ANKFN1: variants seen among roughly 807,000 people sequenced by gnomAD.
ANKFN1 encodes ankyrin repeat and fibronectin type-III domain-containing protein 1.
Under a neutral mutation model 108.7 loss-of-function variants are expected in ANKFN1, and 74 were observed. That is an observed-to-expected ratio of 0.68 (90% confidence interval 0.56 to 0.83). ANKFN1 has a LOEUF of 0.83. Among genes scored for constraint, ANKFN1 ranks in the 40% least tolerant of loss-of-function variants. The pLI is 0.00. For synonymous variants in ANKFN1, 547 were observed against 516.2 expected, an observed-to-expected ratio of 1.06 and a Z score of -0.81; for missense variants, 1,505 against 1,382.3, an observed-to-expected ratio of 1.09 and a Z score of -1.41.
intron 8 of ANKFN1, among the ~76,000 whole-genome samples, chr17:56,401,309 G>A (rs1455343790): frequency 6.7e-6 from 1 of 150,354 alleles, no homozygotes; most frequent in Non-Finnish European, 1.5e-5. Context: ...TGACTCCTTT[G>A]TTAGGTACAT....
rs555095665 is a variant in ANKFN1 at position 56,062,862 on chromosome 17, A to G, written c.288+16537A>G. On this transcript the variant is annotated intron_variant, in intron 4 of 12. Coordinates refer to the ANKFN1 transcript ENST00000635860. ...TTGGTGTGTTTTTGCAGTGGCTGGT[A>G]CTGGTTTTTCCTTTCTATATTTAGT... Among the ~76,000 whole-genome samples the G allele has an allele frequency of 5.3e-5, 8 of 152,186 alleles. No homozygotes were observed. In the East Asian group the frequency reaches 1.5e-3, roughly 29 times the overall value.
chr17:56,312,251 T>C (rs1351619134), intron 3 of ANKFN1, among the ~76,000 whole-genome samples: 1 of 152,172 alleles, frequency 6.6e-6, no homozygotes, highest in Non-Finnish European at 1.5e-5. Flanking sequence ...TAAATGATAC[T>C]TTTCTGTGAG....
At chr17:56,474,329 CAG>C (rs930019123) in intron 15 of ANKFN1, among the ~76,000 whole-genome samples, 31 of 152,306 alleles carry the variant, frequency 2.0e-4, no homozygotes, top group African/African-American at 7.5e-4. Context: ...TACAGTGAAA[CAG>C]ATTATACTGG....
chr17:56,389,159 A>G (rs1282891487), intron 8 of ANKFN1, among the ~76,000 whole-genome samples: 1 of 152,226 alleles, frequency 6.6e-6, no homozygotes, highest in African/African-American at 2.4e-5. Flanking sequence ...GAAATAATCC[A>G]GATGTCCTTA....
At chr17:56,088,596 C>T (rs1189096333) in intron 4 of ANKFN1, among the ~76,000 whole-genome samples, 1 of 150,912 alleles carries the variant, frequency 6.6e-6, no homozygotes, top group Non-Finnish European at 1.5e-5. Context: ...CTGTCTCCAG[C>T]CTCCACTCTC....
intron 3 of ANKFN1, among the ~76,000 whole-genome samples, chr17:56,317,697 T>C (rs1369098627): frequency 6.6e-6 from 1 of 152,154 alleles, no homozygotes; most frequent in African/African-American, 2.4e-5. Context: ...GCTTGGAATG[T>C]GGTGGACAAT....
chr17:56,477,679 T>C, intron 16 of ANKFN1, 25 bp downstream of exon 16: 1 of 1,607,890 alleles, frequency 6.2e-7, no homozygotes, highest in Non-Finnish European at 8.5e-7. Flanking sequence ...GTTAAGATTT[T>C]CCTTGTGATG....
chr17:56,275,324 T>C lies in ANKFN1; in HGVS notation c.53+47367T>C, dbSNP rs1321769895. 2.0e-5 allele frequency among the ~76,000 whole-genome samples: 3 copies of C among 152,136 alleles called. No homozygotes were observed. The East Asian group carries it at 5.8e-4, about 29-fold the overall frequency. On this transcript the variant is annotated intron_variant, in intron 3 of 20. Transcript: ENST00000682825. ...TGAAAGGGAGTTTATTCTTTTTTTT[T>C]TTTTTAACAGCCTCCAGACAGAGGG...
At chr17:56,319,988 A>G (rs2045316849) in intron 3 of ANKFN1, among the ~76,000 whole-genome samples, 1 of 152,180 alleles carries the variant, frequency 6.6e-6, no homozygotes, top group South Asian at 2.1e-4. Context: ...AAATACCACA[A>G]ACTTTGCAGA....
At chr17:56,181,260 C>A (rs1428915877) in intron 1 of ANKFN1, among the ~76,000 whole-genome samples, 2 of 152,088 alleles carry the variant, frequency 1.3e-5, no homozygotes, top group African/African-American at 4.8e-5. Context: ...TTTTAAAATT[C>A]TTTTTGTATT....
At chr17:56,348,938 T>G (rs2046175436) in intron 4 of ANKFN1, among the ~76,000 whole-genome samples, 1 of 152,180 alleles carries the variant, frequency 6.6e-6, no homozygotes, top group South Asian at 2.1e-4. Context: ...ATATATTCAC[T>G]GCAGCACTAT....
chr17:56,434,885 G>A (rs1323678813), intron 8 of ANKFN1, among the ~76,000 whole-genome samples: 2 of 152,132 alleles, frequency 1.3e-5, no homozygotes, highest in African/African-American at 4.8e-5. Context: ...CTGGTGCTGG[G>A]TTGGGCAGTC....
At chr17:56,102,021 T>G (rs17759236) in intron 4 of ANKFN1, among the ~76,000 whole-genome samples, 51,795 of 152,080 alleles carry the variant, frequency 0.34, 9,719 homozygotes, top group East Asian at 0.52. Context: ...TTAAAATGAT[T>G]GTCCTTAAGG....
chr17:56,478,386 G>A (rs1182166971), intron 16 of ANKFN1, among the ~76,000 whole-genome samples: 1 of 152,088 alleles, frequency 6.6e-6, no homozygotes, highest in African/African-American at 2.4e-5. Flanking sequence ...GGGTTTCATA[G>A]AGCCAATGAT....
At chr17:56,220,047 G>A (rs1915726918) in intron 2 of ANKFN1, among the ~76,000 whole-genome samples, 1 of 152,132 alleles carries the variant, frequency 6.6e-6, no homozygotes, top group African/African-American at 2.4e-5. Context: ...TTAGTATGCT[G>A]GTAAACTTAT....
At chr17:56,172,948 G>A (rs1037473828) in intron 1 of ANKFN1, among the ~76,000 whole-genome samples, 4 of 152,166 alleles carry the variant, frequency 2.6e-5, no homozygotes, top group Non-Finnish European at 5.9e-5. Flanking sequence ...CAAACGTCAT[G>A]CTGTGTGGTT....
intron 3 of ANKFN1, among the ~76,000 whole-genome samples, chr17:56,229,168 A>G (rs1916513347): frequency 6.6e-6 from 1 of 152,158 alleles, no homozygotes; most frequent in Non-Finnish European, 1.5e-5. Context: ...CGTATTACGC[A>G]TTCACTGATA....
At chr17:56,226,047 G>A (rs1186746416) in intron 2 of ANKFN1, among the ~76,000 whole-genome samples, 1 of 152,160 alleles carries the variant, frequency 6.6e-6, no homozygotes, top group Non-Finnish European at 1.5e-5. Flanking sequence ...CCTAGCAACA[G>A]GTTCTTCAAA....
At chr17:56,206,455 T>C (rs928445976) in intron 1 of ANKFN1, 3 of 152,120 alleles carry the variant, frequency 2.0e-5, no homozygotes, top group African/African-American at 7.2e-5. Flanking sequence ...TGCCTGAATC[T>C]AACTATTCAA....
Sources: allele counts gnomAD v4.1 joint callset (sites outside exome capture counted in the v4.1 genomes callset), GRCh38; gene constraint gnomAD v4.1.1; transcripts MANE v1.5; gene names NCBI Gene and HGNC (gene_info 2026-07-23, HGNC 2026-07-21).